Variants in CLIP1 observed in about 807,000 individuals in gnomAD.
The protein encoded by CLIP1 is CAP-Gly domain containing linker protein 1.
Under a neutral mutation model 161.6 loss-of-function variants are expected in CLIP1, and 66 were observed. The observed-to-expected ratio is 0.41, with a 90% confidence interval of 0.33 to 0.50. The LOEUF (loss-of-function observed/expected upper bound fraction) is 0.50. Among genes scored for constraint, CLIP1 ranks in the 20% least tolerant of loss-of-function variants. The pLI, the probability that CLIP1 is intolerant of heterozygous loss-of-function variation, is 0.27. For missense variants in CLIP1, 1,376 were observed against 1,702.0 expected, an observed-to-expected ratio of 0.81 and a Z score of 3.37; for synonymous variants, 598 against 626.2, an observed-to-expected ratio of 0.96 and a Z score of 0.67.
intron 24 of CLIP1, chr12:122,276,463 T>G: frequency 7.8e-7 from 1 of 1,288,862 alleles, no homozygotes; most frequent in Non-Finnish European, 1.0e-6. Context: ...AAGAAAAGTG[T>G]TGTCAGCAGC....
chr12:122,287,087 T>C (rs1955889003), intron 21 of CLIP1, among the ~76,000 whole-genome samples: 1 of 151,688 alleles, frequency 6.6e-6, no homozygotes, highest in African/African-American at 2.4e-5. Flanking sequence ...GGTCGGAAGA[T>C]CAATTGAGCC....
intron 1 of CLIP1, among the ~76,000 whole-genome samples, chr12:122,413,324 T>C (rs1198620479): frequency 6.6e-6 from 1 of 152,160 alleles, no homozygotes; most frequent in Non-Finnish European, 1.5e-5. Flanking sequence ...AAGGGATTTT[T>C]AGAATCGGGG....
In CLIP1 at chr12:122,359,637, G is replaced by A. The variant is rs936748569; in HGVS notation, c.1005+1322C>T. On this transcript the variant is annotated intron_variant, in intron 5 of 25. Transcript: ENST00000620786. ...GCAGGCTTCCTCTTTATGCGCAAAT[G>A]GAAATGCTCTGAGCAGTACTTATTC... 2.6e-5 allele frequency among the ~76,000 whole-genome samples: 4 copies of A among 152,286 alleles called. No individual in the cohort carries two copies. In the South Asian group the frequency reaches 6.2e-4, roughly 24 times the overall value.
chr12:122,336,558 T>C, intron 12 of CLIP1, 74 bp downstream of exon 12: 1 of 762,658 alleles, frequency 1.3e-6, no homozygotes, highest in Non-Finnish European at 2.2e-6. Flanking sequence ...AGCTACAATA[T>C]TTCTTACTGG....
chr12:122,333,967 G>T, intron 14 of CLIP1, 60 bp downstream of exon 14: 1 of 1,013,956 alleles, frequency 9.9e-7, no homozygotes, highest in Non-Finnish European at 1.6e-6. Context: ...TACTACAACT[G>T]TCTCGAATAC....
rs1954817574 is a variant in CLIP1 at position 122,377,835 on chromosome 12, G to C, written c.211C>G (p.Pro71Ala). The change falls in exon 3 of 26, where the codon CCT (proline) becomes GCT (alanine). Residue 71 changes from proline (P) to alanine (A), a missense_variant. Physicochemically the swap from Pro to Ala is conservative, Grantham distance 27. Around this residue, in one of 6 missense-constraint regions of CLIP1, gnomAD observed 27 missense variants for 64.1 expected, o/e 0.42. Coordinates refer to ENST00000620786, the MANE Select transcript of CLIP1 (RefSeq NM_001247997.2). ...GERVWVNGNK[P>A]GFIQFLGETQ... ...TCTCCAAGAAACTGGATAAATCCAG[G>C]CTTATTTCCATTCACCCAAACTCGC... The C allele has an allele frequency of 6.2e-7, 1 of 1,613,816 alleles. No individual in the cohort carries two copies. Among genetic ancestry groups the C allele is most frequent in the Non-Finnish European group, 8.5e-7 (1 of 1,179,980 alleles).
chr12:122,305,000 T>C (rs1014193825), intron 20 of CLIP1, among the ~76,000 whole-genome samples: 2 of 152,252 alleles, frequency 1.3e-5, no homozygotes, highest in African/African-American at 2.4e-5. Flanking sequence ...TTTTGTATAA[T>C]ACATCTGCTA....
chr12:122,281,906 A>C (rs975342520), intron 21 of CLIP1, among the ~76,000 whole-genome samples: 3 of 152,164 alleles, frequency 2.0e-5, no homozygotes, highest in Admixed American at 6.6e-5. Flanking sequence ...TTTCCCTATA[A>C]TCAGGACTCT....
At chr12:122,405,329 GT>G (rs956608894) in intron 1 of CLIP1, among the ~76,000 whole-genome samples, 4 of 151,918 alleles carry the variant, frequency 2.6e-5, no homozygotes, top group Non-Finnish European at 5.9e-5. Context: ...GTAACTCTAG[GT>G]TTTTTTTAGT....
In CLIP1 at chr12:122,352,716, G is replaced by C; in HGVS notation, c.1368+10C>G. ...CCATAAAAGCTGTAAGAGAGCTGGAGGGGTTTTACCTCAAGATCACCTTTG... is the reference window on the plus strand; with the variant it reads ...CCATAAAAGCTGTAAGAGAGCTGGACGGGTTTTACCTCAAGATCACCTTTG... On this transcript the variant is annotated intron_variant, in intron 8 of 25. Transcript: ENST00000620786. 6.2e-7 allele frequency: 1 copy of C among 1,610,672 alleles called. No individual in the cohort carries two copies. The highest frequency in any genetic ancestry group is 8.5e-7 in the Non-Finnish European group (1 of 1,177,158).
intron 19 of CLIP1, among the ~76,000 whole-genome samples, chr12:122,312,495 G>A (rs1215378148): frequency 6.6e-6 from 1 of 152,224 alleles, no homozygotes; most frequent in Non-Finnish European, 1.5e-5. Flanking sequence ...TGAGCGTAGT[G>A]GCTCAAGCCT....
At chr12:122,308,067 T>C (rs1204412918) in intron 20 of CLIP1, among the ~76,000 whole-genome samples, 1 of 152,174 alleles carries the variant, frequency 6.6e-6, no homozygotes, top group East Asian at 1.9e-4. Context: ...CTAATTGAAA[T>C]CTCTACTGCA....
At position 122,355,172 on chromosome 12, in the gene CLIP1, C is replaced by T. The variant is rs751868310; in HGVS notation, c.1146G>A (p.Thr382=). The part of the protein sequence containing the change: ...DLERAEVAKA[T]SHVGEIEQEL... ...CCTGCTCTATCTCCCCCACGTGGCT[C>T]GTGGCCTTGGCCACCTCCGCCCTCT... Residue 382 remains threonine (T), a synonymous_variant, in exon 6 of 26, where the codon ACG becomes ACA. Transcript: ENST00000620786. The surrounding 1 kb of genome is among the most constrained non-coding windows in gnomAD (Gnocchi z 4.1). The T allele has an allele frequency of 6.2e-7, 1 of 1,614,238 alleles. No individual in the cohort carries two copies.
intron 11 of CLIP1, among the ~76,000 whole-genome samples, chr12:122,337,458 A>AAG (rs1566135644): frequency 6.0e-4 from 22 of 36,870 alleles, no homozygotes; most frequent in East Asian, 1.2e-3. Context: ...AAAAAAAAAA[A>AAG]AAAGAAAGAA....
chr12:122,305,485 C>A (rs1950831294), intron 20 of CLIP1, among the ~76,000 whole-genome samples: 1 of 152,194 alleles, frequency 6.6e-6, no homozygotes, highest in Non-Finnish European at 1.5e-5. Flanking sequence ...ACTATATGAC[C>A]TTGCCTGAAT....
chr12:122,352,798 A>C lies in CLIP1; in HGVS notation c.1308-12T>G. 6.2e-7 allele frequency: 1 copy of C among 1,610,706 alleles called. No individual in the cohort carries two copies. Among genetic ancestry groups the C allele is most frequent in the Non-Finnish European group, 8.5e-7 (1 of 1,177,164 alleles). ...GGTCCTCAACCTTCCTGTGGAATAA[A>C]ACCCAAACAAAACACTTAAGAAACT... On this transcript the variant is annotated splice_polypyrimidine_tract_variant and intron_variant, in intron 7 of 25. Transcript: ENST00000620786.
rs34292795 is a variant in CLIP1 at position 122,380,373 on chromosome 12, G to A, written c.80C>T (p.Thr27Met). Residue 27 changes from threonine (T) to methionine (M), a missense_variant, in exon 2 of 26, where the codon ACG becomes ATG. Transcript: ENST00000620786. ...GGAAAAGCGTAAAGTATTACCAGCC[G>A]TAGGTGTCTTCAGAGCTGTGCTTCC... ...KPGSTALKTPTAVVAPVEKTI... is the reference protein window; with the variant it reads ...KPGSTALKTPMAVVAPVEKTI... 36,935 of 1,610,264 alleles carry A rather than the reference G, an allele frequency of 0.023. 541 individuals are homozygous for A. The highest frequency in any genetic ancestry group is 0.029 in the Non-Finnish European group (33,884 of 1,177,326).
intron 1 of CLIP1, among the ~76,000 whole-genome samples, chr12:122,390,732 T>C (rs1285515058): frequency 6.6e-6 from 1 of 151,716 alleles, no homozygotes; most frequent in Non-Finnish European, 1.5e-5. Context: ...GGCTAGACCA[T>C]TTTTTTTCAA....
chr12:122,308,516 T>C (rs1252998838), intron 20 of CLIP1, among the ~76,000 whole-genome samples: 1 of 152,196 alleles, frequency 6.6e-6, no homozygotes, highest in Non-Finnish European at 1.5e-5. Flanking sequence ...TGACCCTAGT[T>C]AAGTCAACAC....
Sources: allele counts gnomAD v4.1 joint callset (sites outside exome capture counted in the v4.1 genomes callset), GRCh38; gene constraint gnomAD v4.1.1; regional missense constraint gnomAD v4.1.1; non-coding constraint Gnocchi (gnomAD v3.1); transcripts MANE v1.5; gene names NCBI Gene and HGNC (gene_info 2026-07-23, HGNC 2026-07-21).